The following REEP3 variants were observed in gnomAD, a reference collection of about 807,000 sequenced individuals.
The protein encoded by REEP3 is receptor accessory protein 3, also known as receptor expression-enhancing protein 3.
A neutral mutation model predicts 41.3 loss-of-function variants in REEP3; 20 were observed. The ratio of observed to expected loss-of-function variants is 0.48; its 90% CI spans 0.34 to 0.70. REEP3 has a LOEUF of 0.70. Ranked by LOEUF, REEP3 falls within the 30% of genes least tolerant of loss-of-function variation. The probability of loss-of-function intolerance (pLI) is 0.01; values close to 1 mark genes in which losing one functional copy is unlikely to be tolerated. For missense variants in REEP3, 271 were observed against 308.8 expected (o/e 0.88, Z 0.92); for synonymous variants, 104 against 101.8 (o/e 1.02, Z -0.13).
intron 1 of REEP3, among the ~76,000 whole-genome samples, chr10:63,533,020 T>A (rs1419292185): frequency 6.6e-6 from 1 of 152,238 alleles, no homozygotes; most frequent in African/African-American, 2.4e-5. Context: ...GTAGGTCTTA[T>A]AAGGAAGCCA....
chr10:63,536,905 G>T (rs1451238209), intron 1 of REEP3, among the ~76,000 whole-genome samples: 1 of 152,334 alleles, frequency 6.6e-6, no homozygotes, highest in Admixed American at 6.5e-5. Flanking sequence ...CATGATGCCA[G>T]TAGGAGAGTA....
intron 6 of REEP3, among the ~76,000 whole-genome samples, chr10:63,612,337 A>G (rs1324506467): frequency 6.6e-6 from 1 of 151,854 alleles, no homozygotes; most frequent in Non-Finnish European, 1.5e-5. Context: ...ATGCCCTGCT[A>G]ATTTTTCCAT....
chr10:63,607,288 T>C (rs1956237479), intron 5 of REEP3, among the ~76,000 whole-genome samples: 1 of 152,186 alleles, frequency 6.6e-6, no homozygotes, highest in Non-Finnish European at 1.5e-5. Context: ...TCATATTCCC[T>C]TTTTGCTTTT....
chr10:63,541,630 C>T (rs1955528946), intron 1 of REEP3, among the ~76,000 whole-genome samples: 1 of 148,608 alleles, frequency 6.7e-6, no homozygotes, highest in South Asian at 2.2e-4. Flanking sequence ...TTATTCTATC[C>T]AGAGAAGTTT....
chr10:63,579,746 T>A (rs1039548924), intron 2 of REEP3, among the ~76,000 whole-genome samples: 19 of 152,362 alleles, frequency 1.2e-4, no homozygotes, highest in African/African-American at 4.1e-4. Flanking sequence ...TAAACCATTT[T>A]AAATGGGACT....
At chr10:63,620,285 A>C (rs1956343864) in intron 7 of REEP3, among the ~76,000 whole-genome samples, 1 of 152,220 alleles carries the variant, frequency 6.6e-6, no homozygotes, top group Admixed American at 6.5e-5. Flanking sequence ...GGATATCAGG[A>C]AATTTTGAAA....
rs1027382558 is a variant in REEP3 at position 63,623,580 on chromosome 10, A to C, written c.*2711A>C. The C allele has an allele frequency of 6.6e-6, 1 of 152,446 alleles. No homozygotes were observed. The highest frequency in any genetic ancestry group is 1.9e-4 in the East Asian group (1 of 5,204). The allele number at this position is 152,446 out of a possible 1,614,324, so 9.4% of individuals were successfully genotyped here. ...TGTACATTTACTCAACTTGTCCATT[A>C]GTATTTAACTATTTCCAGAGTTTGT... On this transcript the variant is annotated 3_prime_UTR_variant, in exon 8 of 8. Coordinates refer to ENST00000373758, the MANE Select transcript of REEP3 (RefSeq NM_001001330.3).
chr10:63,572,795 A>G (rs1564481896), intron 2 of REEP3, among the ~76,000 whole-genome samples: 1 of 152,238 alleles, frequency 6.6e-6, no homozygotes, highest in East Asian at 1.9e-4. Context: ...ATATTCCTGT[A>G]CCTAGAACAG....
intron 2 of REEP3, among the ~76,000 whole-genome samples, chr10:63,583,749 T>C (rs1286704770): frequency 1.3e-5 from 2 of 152,226 alleles, no homozygotes; most frequent in Admixed American, 1.3e-4. Flanking sequence ...AAATTCTGTG[T>C]GGTCCTGTTA....
intron 4 of REEP3, 45 bp downstream of exon 4, chr10:63,598,189 C>T (rs926654300): frequency 7.0e-7 from 1 of 1,419,042 alleles, no homozygotes; most frequent in Non-Finnish European, 9.6e-7. Flanking sequence ...TTAGAAATGC[C>T]TAAGCGGAGG....
intron 1 of REEP3, among the ~76,000 whole-genome samples, chr10:63,525,236 G>C (rs1474776065): frequency 6.6e-6 from 1 of 152,176 alleles, no homozygotes; most frequent in Non-Finnish European, 1.5e-5. Context: ...ATGACCCTGA[G>C]GCAGTCTCTT....
intron 1 of REEP3, among the ~76,000 whole-genome samples, chr10:63,550,770 G>C (rs927051008): frequency 6.6e-6 from 1 of 152,050 alleles, no homozygotes; most frequent in Non-Finnish European, 1.5e-5. Context: ...TCAAGGCTAA[G>C]GACCTCAGGT....
chr10:63,605,061 C>G (rs943500969), intron 5 of REEP3, among the ~76,000 whole-genome samples: 2 of 151,990 alleles, frequency 1.3e-5, no homozygotes, highest in Admixed American at 6.6e-5. Context: ...AAGCACAGGA[C>G]GTTCCCCACA....
chr10:63,570,542 C>A (rs1042113574), intron 2 of REEP3, among the ~76,000 whole-genome samples: 2 of 151,942 alleles, frequency 1.3e-5, no homozygotes, highest in African/African-American at 4.8e-5. Flanking sequence ...CTTTCATCAC[C>A]CAGGTATTAA....
At chr10:63,534,235 GTAT>G (rs1383129680) in intron 1 of REEP3, among the ~76,000 whole-genome samples, 5 of 151,996 alleles carry the variant, frequency 3.3e-5, no homozygotes, top group Admixed American at 3.3e-4. Context: ...ATATCTTGAA[GTAT>G]TATTATTTTT....
rs1214304371 is a variant in REEP3 at position 63,605,784 on chromosome 10, G to C, written c.418-4403G>C. Among the ~76,000 whole-genome samples, 3 of 152,242 alleles carry C rather than the reference G, an allele frequency of 2.0e-5. No homozygotes were observed. In the East Asian group the frequency reaches 5.8e-4, roughly 29 times the overall value. On this transcript the variant is annotated intron_variant, in intron 5 of 7. Coordinates refer to ENST00000373758, the MANE Select transcript of REEP3 (RefSeq NM_001001330.3). ...TGAGTAGACATTCAGATGTCCTAGT[G>C]CCCTTGGATGTAAATGAGCTCTGTG...
chr10:63,559,606 G>A (rs1323842535), intron 1 of REEP3, among the ~76,000 whole-genome samples: 2 of 152,296 alleles, frequency 1.3e-5, no homozygotes, highest in South Asian at 2.1e-4. Flanking sequence ...GCCTGGCTTT[G>A]AATGCAGCCG....
chr10:63,556,549 C>G (rs1220278590), intron 1 of REEP3, among the ~76,000 whole-genome samples: 1 of 150,892 alleles, frequency 6.6e-6, no homozygotes, highest in Non-Finnish European at 1.5e-5. Flanking sequence ...TACATGAAAT[C>G]ATTTTTAAAA....
intron 1 of REEP3, among the ~76,000 whole-genome samples, chr10:63,557,151 A>C (rs150351438): frequency 6.6e-6 from 1 of 152,162 alleles, no homozygotes; most frequent in Non-Finnish European, 1.5e-5. Context: ...TGATTCATAC[A>C]ATTTGCTAAT....
Sources: allele counts gnomAD v4.1 joint callset (sites outside exome capture counted in the v4.1 genomes callset), GRCh38; gene constraint gnomAD v4.1.1; transcripts MANE v1.5; gene names NCBI Gene and HGNC (gene_info 2026-07-23, HGNC 2026-07-21).